Variants in MGAM2 observed in about 807,000 individuals in gnomAD.
The protein encoded by MGAM2 is probable maltase-glucoamylase 2.
A neutral mutation model predicts 96.1 loss-of-function variants in MGAM2; 98 were observed. The ratio of observed to expected loss-of-function variants is 1.02; its 90% CI spans 0.87 to 1.21. MGAM2 has a LOEUF of 1.21. Among genes scored for constraint, MGAM2 ranks in the 50% most tolerant of loss-of-function variants. MGAM2 has a pLI of 0.00. For synonymous variants in MGAM2, 749 were observed against 414.8 expected, an observed-to-expected ratio of 1.81 and a Z score of -9.79; for missense variants, 2,055 against 1,182.4, an observed-to-expected ratio of 1.74 and a Z score of -10.82.
At chr7:142,141,787 A>G (rs1795238691) in intron 12 of MGAM2, among the ~76,000 whole-genome samples, 1 of 152,216 alleles carries the variant, frequency 6.6e-6, no homozygotes, top group Non-Finnish European at 1.5e-5. Flanking sequence ...GGTGTGAGCC[A>G]CCATGCCTAA....
intron 26 of MGAM2, among the ~76,000 whole-genome samples, chr7:142,169,293 G>A (rs959561002): frequency 1.3e-5 from 2 of 152,012 alleles, no homozygotes; most frequent in Admixed American, 6.6e-5. Flanking sequence ...CTGGTGGTGC[G>A]CACCTGTAGT....
intron 35 of MGAM2, 137 bp from the exon 36 acceptor site, chr7:142,187,613 C>T (rs1191675430): frequency 1.8e-6 from 1 of 569,026 alleles, no homozygotes; most frequent in Non-Finnish European, 3.2e-6. Flanking sequence ...GGGTCAGTGC[C>T]AGGAATTAAA....
At chr7:142,197,612 A>C in intron 41 of MGAM2, 32 bp from the exon 42 acceptor site, 2 of 702,976 alleles carry the variant, frequency 2.8e-6, no homozygotes, top group South Asian at 3.0e-5. Flanking sequence ...TCATAAGAGG[A>C]TAGGTGAATT....
Position 142,221,505 on chromosome 7 carries a change from T to C in MGAM2, c.6994T>C (p.Phe2332Leu). The change falls in exon 48 of 48, where the codon TTT (phenylalanine) becomes CTT (leucine). Residue 2332 changes from phenylalanine to leucine, a missense_variant. By Grantham distance (22) the Phe-to-Leu change is conservative. Transcript: ENST00000477922. ...ATTCACTACTGATAAAATTACTAAT[T>C]TTACTACCCCTACAAATGCAAACAC... Reference protein sequence around the residue: ...NTFTTDKITNFTTPTNANTII... With the variant: ...NTFTTDKITNLTTPTNANTII... 3.7e-6 allele frequency: 2 copies of C among 545,926 alleles called. No homozygotes were observed. Among genetic ancestry groups the C allele is most frequent in the Non-Finnish European group, 6.4e-6 (2 of 311,362 alleles). The allele number at this position is 545,926 out of a possible 1,614,324, so 33.8% of individuals were successfully genotyped here.
At chr7:142,111,992 G>A in intron 1 of MGAM2, among the ~76,000 whole-genome samples, 185 bp downstream of exon 1, 1 of 138,930 alleles carries the variant, frequency 7.2e-6, no homozygotes, top group Non-Finnish European at 1.5e-5. Flanking sequence ...TGATGGAGAG[G>A]AGAGACTGTG....
intron 6 of MGAM2, 22 bp from the exon 7 acceptor site, chr7:142,133,959 C>A (rs980512408): frequency 1.0e-5 from 7 of 687,260 alleles, no homozygotes; most frequent in African/African-American, 1.8e-5. Context: ...GTGATTCTTG[C>A]TCTACTTACC....
chr7:142,137,906 C>T (rs1407185175), intron 9 of MGAM2, among the ~76,000 whole-genome samples: 1 of 152,184 alleles, frequency 6.6e-6, no homozygotes, highest in Non-Finnish European at 1.5e-5. Context: ...ACATTTGACT[C>T]AAATTATAGA....
At chr7:142,112,451 C>G (rs1817204598) in intron 1 of MGAM2, among the ~76,000 whole-genome samples, 1 of 152,136 alleles carries the variant, frequency 6.6e-6, no homozygotes, top group African/African-American at 2.4e-5. Flanking sequence ...ATAATACTTG[C>G]AGAAAGAGAC....
chr7:142,146,512 G>A (rs1214556108), intron 14 of MGAM2, among the ~76,000 whole-genome samples: 1 of 152,012 alleles, frequency 6.6e-6, no homozygotes, highest in East Asian at 1.9e-4. Flanking sequence ...CCACTTTCTG[G>A]AATTGTGCCT....
intron 17 of MGAM2, among the ~76,000 whole-genome samples, chr7:142,156,302 A>T (rs548344431): frequency 3.0e-4 from 45 of 152,310 alleles, no homozygotes; most frequent in African/African-American, 1.0e-3. Context: ...ATTATTAATG[A>T]GCTATTTTAT....
intron 23 of MGAM2, among the ~76,000 whole-genome samples, chr7:142,162,221 T>G (rs1210932083): frequency 6.6e-6 from 1 of 152,058 alleles, no homozygotes; most frequent in African/African-American, 2.4e-5. Context: ...AACTTTTTTT[T>G]TCCTGGAAAA....
In MGAM2 at chr7:142,201,065, CTTTTTCTTTTT is replaced by C. The variant is rs1489120913; in HGVS notation, c.5137+1114_5137+1124del. ...AATTTTCATTGTTATAAATAACATCCTTTTTCTTTTTTTTTTCTTTTTTTTTTTTTTTTGAG... is the reference window on the plus strand; with the variant it reads ...AATTTTCATTGTTATAAATAACATCCTTTTTCTTTTTTTTTTTTTTTTGAG... On this transcript the variant is annotated intron_variant, in intron 45 of 47. Coordinates refer to ENST00000477922, the MANE Select transcript of MGAM2 (RefSeq NM_001293626.2). Among the ~76,000 whole-genome samples, 6 of 71,900 alleles carry C rather than the reference CTTTTTCTTTTT, an allele frequency of 8.3e-5. No individual in the cohort carries two copies. The South Asian group carries it at 1.7e-3, about 21-fold the overall frequency. The allele number at this position is 71,900 out of a possible 152,430, so 47.2% of individuals were successfully genotyped here.
At position 142,196,300 on chromosome 7, in the gene MGAM2, A is replaced by C. The variant is rs1290187278; in HGVS notation, c.4480+13A>C. ...AAATCTATCATTGGTGTGTGGGCTCATTCCCAGGGGCCTGTGCTGGCAGGG... is the reference window on the plus strand; with the variant it reads ...AAATCTATCATTGGTGTGTGGGCTCCTTCCCAGGGGCCTGTGCTGGCAGGG... On this transcript the variant is annotated intron_variant, in intron 38 of 47. Transcript: ENST00000477922. 5.5e-6 allele frequency: 4 copies of C among 726,048 alleles called. No individual in the cohort carries two copies. Among genetic ancestry groups the C allele is most frequent in the South Asian group, 1.5e-5 (1 of 67,276 alleles). 45.0% of individuals were successfully genotyped at this position (726,048 alleles called of 1,614,324 possible). A position where few individuals can be genotyped will look rare whatever the true frequency, so the allele number is the denominator to read the frequency against.
intron 15 of MGAM2, among the ~76,000 whole-genome samples, chr7:142,153,035 G>A (rs992229324): frequency 2.9e-5 from 4 of 136,284 alleles, no homozygotes; most frequent in African/African-American, 5.5e-5. Flanking sequence ...TTGCTCTGTC[G>A]CCCAGGCTGG....
chr7:142,132,789 C>T (rs1308247480), intron 6 of MGAM2, among the ~76,000 whole-genome samples: 1 of 121,876 alleles, frequency 8.2e-6, no homozygotes, highest in Non-Finnish European at 1.6e-5. Context: ...TATATAATTA[C>T]ATGTCATATA....
At position 142,220,964 on chromosome 7, in the gene MGAM2, T is replaced by G. The variant is rs1461205191; in HGVS notation, c.6453T>G (p.Asn2151Lys). ...ISTPVQTNTT[N>K]ASTSTNVANI... Reference sequence around the variant, plus strand: ...CTCCTGTTCAAACAAATACTACTAATGCTAGCACTAGTACTAATGTTGCTA... The same window carrying G: ...CTCCTGTTCAAACAAATACTACTAAGGCTAGCACTAGTACTAATGTTGCTA... Residue 2151 changes from asparagine to lysine, a missense_variant, in exon 48 of 48, where the codon AAT (asparagine) becomes AAG (lysine). Transcript: ENST00000477922. The G allele has an allele frequency of 1.4e-6, 1 of 702,072 alleles. No individual in the cohort carries two copies. Among genetic ancestry groups the G allele is most frequent in the Non-Finnish European group, 2.6e-6 (1 of 384,688 alleles). The allele number at this position is 702,072 out of a possible 1,614,324, so 43.5% of individuals were successfully genotyped here. A position where few individuals can be genotyped will look rare whatever the true frequency, so the allele number is the denominator to read the frequency against.
intron 15 of MGAM2, among the ~76,000 whole-genome samples, chr7:142,151,420 C>G (rs1285411197): frequency 6.6e-6 from 1 of 152,166 alleles, no homozygotes; most frequent in Non-Finnish European, 1.5e-5. Context: ...ACATATATTT[C>G]TGATTCATTA....
intron 28 of MGAM2, 129 bp from the exon 29 acceptor site, chr7:142,171,969 A>G (rs1232395316): frequency 2.5e-6 from 1 of 405,808 alleles, no homozygotes; most frequent in Admixed American, 3.3e-5. Context: ...GGGAGAGTCA[A>G]TGAAGGCCCA....
rs984137723 is a variant in MGAM2, at chr7:142,160,206, C to A, written c.2293C>A (p.Arg765=). The stretch of plus-strand genomic sequence containing the variant: ...AGGTGACAAGATAGGACTTCATCTG[C>A]GAGGGGGCTACATATTTCCCACTCA... ...LPGDKIGLHL[R]GGYIFPTQKP... The change falls in exon 21 of 48, where the codon CGA becomes AGA. Residue 765 remains arginine (R), a synonymous_variant. Coordinates refer to ENST00000477922, the MANE Select transcript of MGAM2 (RefSeq NM_001293626.2). 1.4e-6 allele frequency: 1 copy of A among 702,524 alleles called. No individual in the cohort carries two copies. The highest frequency in any genetic ancestry group is 2.0e-5 in the Admixed American group (1 of 49,946). 43.5% of individuals were successfully genotyped at this position (702,524 alleles called of 1,614,324 possible). A position where few individuals can be genotyped will look rare whatever the true frequency, so the allele number is the denominator to read the frequency against.
Sources: allele counts gnomAD v4.1 joint callset (sites outside exome capture counted in the v4.1 genomes callset), GRCh38; gene constraint gnomAD v4.1.1; transcripts MANE v1.5; gene names NCBI Gene and HGNC (gene_info 2026-07-23, HGNC 2026-07-21).